TBC1D14: variants seen among roughly 807,000 people sequenced by gnomAD.
TBC1D14 encodes TBC1 domain family, member 14.
In TBC1D14, 26 loss-of-function variants were observed where a neutral mutation model predicts 79.0. That is an observed-to-expected ratio of 0.33 (90% CI 0.24 to 0.46). The LOEUF (loss-of-function observed/expected upper bound fraction) is 0.46, where lower values mean the gene tolerates loss of function less well. Ranked by LOEUF, TBC1D14 falls within the 20% of genes least tolerant of loss-of-function variation. TBC1D14 has a pLI of 1.00. For synonymous variants in TBC1D14, 394 were observed against 349.9 expected (o/e 1.13, Z -1.40); for missense variants, 769 against 887.6 (o/e 0.87, Z 1.70).
At chr4:7,023,798 C>T (rs754251505) in intron 12 of TBC1D14, among the ~76,000 whole-genome samples, 6 of 152,210 alleles carry the variant, frequency 3.9e-5, no homozygotes, top group Non-Finnish European at 7.3e-5. Flanking sequence ...TTTCTTGATG[C>T]ATGGGGTGTC....
At chr4:6,943,589 T>A (rs1713123817) in intron 2 of TBC1D14, among the ~76,000 whole-genome samples, 1 of 152,200 alleles carries the variant, frequency 6.6e-6, no homozygotes, top group South Asian at 2.1e-4. Flanking sequence ...CAAATTCTTG[T>A]TTGTCCCTTA....
chr4:6,988,160 G>A (rs1044896387), intron 3 of TBC1D14, among the ~76,000 whole-genome samples: 7 of 152,162 alleles, frequency 4.6e-5, no homozygotes, highest in Non-Finnish European at 1.0e-4. Flanking sequence ...TGCTAAACTG[G>A]GCTCCCCCCT....
intron 12 of TBC1D14, among the ~76,000 whole-genome samples, chr4:7,016,795 T>C (rs1384796113): frequency 6.6e-6 from 1 of 152,198 alleles, no homozygotes; most frequent in East Asian, 1.9e-4. Flanking sequence ...CTGGCTGTTG[T>C]CTGGGTCATG....
intron 4 of TBC1D14, 64 bp downstream of exon 4, chr4:6,994,366 G>C: frequency 6.8e-7 from 1 of 1,464,586 alleles, no homozygotes; most frequent in Non-Finnish European, 9.6e-7. Flanking sequence ...TTGCTAAGCA[G>C]CTTTTCATTA....
chr4:6,914,206 T>G (rs1723217134), intron 1 of TBC1D14, among the ~76,000 whole-genome samples: 1 of 152,040 alleles, frequency 6.6e-6, no homozygotes, highest in African/African-American at 2.4e-5. Context: ...AGTGTCCGCT[T>G]CTTCGGGTTG....
intron 2 of TBC1D14, among the ~76,000 whole-genome samples, chr4:6,936,448 C>G (rs1463384295): frequency 2.0e-5 from 3 of 152,212 alleles, no homozygotes; most frequent in African/African-American, 4.8e-5. Flanking sequence ...ATCCGAGTCT[C>G]TTCATGTCTT....
chr4:6,930,481 G>A (rs1015585460), intron 2 of TBC1D14, among the ~76,000 whole-genome samples: 2 of 152,172 alleles, frequency 1.3e-5, no homozygotes, highest in Non-Finnish European at 2.9e-5. Context: ...CTCGTAGGAT[G>A]GTTCCCATTA....
chr4:6,950,157 C>T (rs1033370041), intron 2 of TBC1D14, among the ~76,000 whole-genome samples: 4 of 152,130 alleles, frequency 2.6e-5, no homozygotes, highest in African/African-American at 7.2e-5. Context: ...TGAGAACATG[C>T]GGTGTTTGGT....
At chr4:6,923,026 C>T (rs186164163) in intron 1 of TBC1D14, among the ~76,000 whole-genome samples, 15 of 152,282 alleles carry the variant, frequency 9.9e-5, no homozygotes, top group East Asian at 1.9e-4. Context: ...CATAGGGAAA[C>T]GCTGTCTCTA....
At chr4:7,010,521 G>GTA in intron 10 of TBC1D14, 132 bp from the exon 11 acceptor site, 1 of 1,099,932 alleles carries the variant, frequency 9.1e-7, no homozygotes, top group South Asian at 1.7e-5. Context: ...AGCGTTGGGT[G>GTA]GCCGGAGGAG....
chr4:7,024,593 CG>C (rs1397491605), intron 12 of TBC1D14, among the ~76,000 whole-genome samples: 1 of 152,128 alleles, frequency 6.6e-6, no homozygotes, highest in Non-Finnish European at 1.5e-5. Flanking sequence ...GCTCCCAGGG[CG>C]GGGGGAACCT....
At chr4:6,932,376 T>A (rs1353410385) in intron 2 of TBC1D14, among the ~76,000 whole-genome samples, 3 of 143,916 alleles carry the variant, frequency 2.1e-5, no homozygotes, top group African/African-American at 2.6e-5. Context: ...GTCTGGAAAT[T>A]AAAAAAAAAA....
At chr4:6,952,118 GAAGTGTT>G (rs1714096078) in intron 2 of TBC1D14, among the ~76,000 whole-genome samples, 1 of 152,202 alleles carries the variant, frequency 6.6e-6, no homozygotes, top group African/African-American at 2.4e-5. Context: ...GAACCGATGA[GAAGTGTT>G]AAGTAGGACA....
intron 2 of TBC1D14, among the ~76,000 whole-genome samples, chr4:6,930,574 G>A (rs1711630857): frequency 6.6e-6 from 1 of 152,152 alleles, no homozygotes; most frequent in Non-Finnish European, 1.5e-5. Context: ...GAGGCGGGTA[G>A]ATCACTTGAG....
rs539940452 is a variant in TBC1D14, at chr4:6,926,104, G to A, written c.722+1993G>A. Among the ~76,000 whole-genome samples, 6 of 152,336 alleles carry A rather than the reference G, an allele frequency of 3.9e-5. No individual in the cohort carries two copies. In the East Asian group the frequency reaches 9.6e-4, roughly 24 times the overall value. ...CCCCTAGAACCGTGCGCGGAGGAGCGTGGCCCGTGTGCCCATTATGCTGTT... is the reference window on the plus strand; with the variant it reads ...CCCCTAGAACCGTGCGCGGAGGAGCATGGCCCGTGTGCCCATTATGCTGTT... On this transcript the variant is annotated intron_variant, in intron 2 of 13. Transcript: ENST00000409757.
chr4:6,982,161 C>T lies in TBC1D14; in HGVS notation c.844-12023C>T, dbSNP rs184988208. Among the ~76,000 whole-genome samples, 13 of 152,234 alleles carry T rather than the reference C, an allele frequency of 8.5e-5. No individual in the cohort carries two copies. The East Asian group carries it at 2.3e-3, about 27-fold the overall frequency. ...ATCGAGAAATGAAAACTTATGTTTG[C>T]ACAAAAATCTGTACATGTTTATAGC... On this transcript the variant is annotated intron_variant, in intron 3 of 13. Coordinates refer to ENST00000409757, the MANE Select transcript of TBC1D14 (RefSeq NM_020773.3).
intron 3 of TBC1D14, among the ~76,000 whole-genome samples, chr4:6,973,659 T>TC (rs1553862861): frequency 6.6e-6 from 1 of 151,988 alleles, no homozygotes; most frequent in Non-Finnish European, 1.5e-5. Context: ...AATTTTTTTT[T>TC]CCCTTCCAAT....
At chr4:6,933,550 C>T (rs1712001030) in intron 2 of TBC1D14, among the ~76,000 whole-genome samples, 2 of 151,940 alleles carry the variant, frequency 1.3e-5, no homozygotes, top group African/African-American at 4.8e-5. Flanking sequence ...AAGTGATCCT[C>T]CTGCCTTGGC....
At chr4:6,957,534 G>A (rs528246626) in intron 2 of TBC1D14, among the ~76,000 whole-genome samples, 8 of 152,316 alleles carry the variant, frequency 5.3e-5, no homozygotes, top group African/African-American at 1.9e-4. Flanking sequence ...CCCATATAGC[G>A]CTCGCCTCTT....
Sources: allele counts gnomAD v4.1 joint callset (sites outside exome capture counted in the v4.1 genomes callset), GRCh38; gene constraint gnomAD v4.1.1; transcripts MANE v1.5; gene names NCBI Gene and HGNC (gene_info 2026-07-23, HGNC 2026-07-21).